CDK14: variants seen among roughly 807,000 people sequenced by gnomAD.
The protein encoded by CDK14 is cyclin-dependent kinase 14.
In CDK14, 34 loss-of-function variants were observed where a neutral mutation model predicts 60.7. The observed-to-expected ratio is 0.56, with a 90% CI of 0.43 to 0.75. The LOEUF (loss-of-function observed/expected upper bound fraction) is 0.75, where lower values mean the gene tolerates loss of function less well. Ranked by LOEUF, CDK14 falls within the 30% of genes least tolerant of loss-of-function variation. The pLI is 0.00. For synonymous variants in CDK14, 197 were observed against 203.7 expected, an observed-to-expected ratio of 0.97 and a Z score of 0.28; for missense variants, 482 against 564.1, an observed-to-expected ratio of 0.85 and a Z score of 1.47.
intron 5 of CDK14, among the ~76,000 whole-genome samples, chr7:90,851,910 A>G (rs1790657010): frequency 6.6e-6 from 1 of 151,918 alleles, no homozygotes; most frequent in Non-Finnish European, 1.5e-5. Flanking sequence ...TGTAACCTCA[A>G]ATTCTTGGGC....
intron 2 of CDK14, among the ~76,000 whole-genome samples, chr7:90,679,139 A>G (rs1430888174): frequency 6.6e-6 from 1 of 152,022 alleles, no homozygotes; most frequent in Non-Finnish European, 1.5e-5. Context: ...TTTTGTAGAG[A>G]TGAGGTCTTG....
intron 9 of CDK14, among the ~76,000 whole-genome samples, chr7:90,977,584 A>G (rs117060751): frequency 0.018 from 2,778 of 152,248 alleles, 37 homozygotes; most frequent in Non-Finnish European, 0.026. Flanking sequence ...TTAAAAGACC[A>G]TAAACATCAG....
intron 6 of CDK14, among the ~76,000 whole-genome samples, chr7:90,874,539 T>C (rs1358397744): frequency 1.1e-5 from 1 of 91,726 alleles, no homozygotes; most frequent in Admixed American, 1.5e-4. Flanking sequence ...TTTTTTTTTT[T>C]GAGACGGAGT....
chr7:91,043,580 A>G (rs1797148598), intron 10 of CDK14, among the ~76,000 whole-genome samples: 1 of 152,192 alleles, frequency 6.6e-6, no homozygotes. Flanking sequence ...AGACACTGTT[A>G]TCATAATCGT....
chr7:90,682,808 T>C (rs1199870788), intron 2 of CDK14, among the ~76,000 whole-genome samples: 2 of 152,228 alleles, frequency 1.3e-5, no homozygotes, highest in African/African-American at 2.4e-5. Flanking sequence ...CATTTTAAAA[T>C]ATAGGTCTTT....
chr7:91,048,665 C>G (rs1213821191), intron 11 of CDK14, among the ~76,000 whole-genome samples: 1 of 152,218 alleles, frequency 6.6e-6, no homozygotes, highest in African/African-American at 2.4e-5. Flanking sequence ...TGCTTCTCCT[C>G]TCTATGCTAT....
chr7:90,920,137 C>A (rs1793204690), intron 8 of CDK14, among the ~76,000 whole-genome samples: 1 of 152,106 alleles, frequency 6.6e-6, no homozygotes, highest in African/African-American at 2.4e-5. Flanking sequence ...GTTTGTGTGT[C>A]TGAGATGAAG....
intron 14 of CDK14, among the ~76,000 whole-genome samples, chr7:91,124,475 A>G (rs1466886221): frequency 1.3e-5 from 2 of 152,158 alleles, no homozygotes; most frequent in African/African-American, 2.4e-5. Flanking sequence ...ATTTTTTAAA[A>G]TAAAAATAAT....
intron 14 of CDK14, among the ~76,000 whole-genome samples, chr7:91,123,230 C>CATTATAT (rs919095625): frequency 2.0e-5 from 3 of 152,090 alleles, no homozygotes; most frequent in African/African-American, 7.2e-5. Flanking sequence ...ATATAAGAAA[C>CATTATAT]ACAAGTGTTA....
At chr7:91,157,359 C>T (rs1200916219) in intron 14 of CDK14, among the ~76,000 whole-genome samples, 9 of 152,156 alleles carry the variant, frequency 5.9e-5, no homozygotes, top group Admixed American at 4.6e-4. Context: ...GTTCAAATCC[C>T]AGCACATCAC....
intron 9 of CDK14, among the ~76,000 whole-genome samples, chr7:90,965,831 C>T (rs1794736630): frequency 6.6e-6 from 1 of 152,130 alleles, no homozygotes; most frequent in Admixed American, 6.5e-5. Flanking sequence ...ATTTTCAATA[C>T]ATTGTTTTAT....
intron 11 of CDK14, among the ~76,000 whole-genome samples, chr7:91,053,090 C>T (rs754732063): frequency 2.0e-5 from 3 of 152,028 alleles, no homozygotes; most frequent in Non-Finnish European, 4.4e-5. Context: ...TTTTTTGTTC[C>T]AGAGGGAGGA....
intron 2 of CDK14, among the ~76,000 whole-genome samples, chr7:90,654,764 CT>C (rs1324465864): frequency 6.6e-6 from 1 of 152,134 alleles, no homozygotes; most frequent in Non-Finnish European, 1.5e-5. Flanking sequence ...CCAGTTTCCC[CT>C]GTTATTAATA....
intron 8 of CDK14, among the ~76,000 whole-genome samples, chr7:90,944,230 C>A (rs188300230): frequency 6.6e-6 from 1 of 152,292 alleles, no homozygotes; most frequent in Non-Finnish European, 1.5e-5. Flanking sequence ...AAATGACTCA[C>A]TTTCAAGTAT....
At chr7:90,788,689 G>C (rs1033332583) in intron 4 of CDK14, among the ~76,000 whole-genome samples, 2 of 152,140 alleles carry the variant, frequency 1.3e-5, no homozygotes, top group African/African-American at 4.8e-5. Flanking sequence ...TTGTTCTTTT[G>C]GGTTTTATGT....
intron 4 of CDK14, among the ~76,000 whole-genome samples, chr7:90,768,381 G>A (rs946416386): frequency 6.6e-6 from 1 of 152,228 alleles, no homozygotes; most frequent in Non-Finnish European, 1.5e-5. Context: ...ATGTGTGTGA[G>A]TGTGGGTGTG....
intron 5 of CDK14, among the ~76,000 whole-genome samples, chr7:90,793,115 G>T (rs1240587782): frequency 1.0e-5 from 1 of 96,422 alleles, no homozygotes; most frequent in Non-Finnish European, 2.4e-5. Context: ...TAATCTTAGT[G>T]AGGTCAGAGA....
chr7:90,728,725 T>C (rs1802734532), intron 3 of CDK14, among the ~76,000 whole-genome samples: 1 of 152,114 alleles, frequency 6.6e-6, no homozygotes, highest in Non-Finnish European at 1.5e-5. Flanking sequence ...TCATGCCTCT[T>C]GGAGAGAAAC....
rs570133781 is a variant in CDK14, at chr7:90,806,966, C to T, written c.544+16314C>T. Among the ~76,000 whole-genome samples the T allele has an allele frequency of 6.6e-5, 10 of 152,266 alleles. No homozygotes were observed. In the South Asian group the frequency reaches 8.3e-4, roughly 13 times the overall value. On this transcript the variant is annotated intron_variant, in intron 5 of 14. Coordinates refer to ENST00000380050, the MANE Select transcript of CDK14 (RefSeq NM_001287135.2). Reference sequence around the variant, plus strand: ...GGCTTGAGTAGGTAAACAAAGTGGCCAGGAAGCTCAAACTGGGTGGAGCCC... The same window carrying T: ...GGCTTGAGTAGGTAAACAAAGTGGCTAGGAAGCTCAAACTGGGTGGAGCCC...
Sources: gnomAD v4.1 joint callset for allele counts (sites outside exome capture counted in the v4.1 genomes callset) on GRCh38, gnomAD v4.1.1 for gene constraint, MANE v1.5 for transcripts, NCBI Gene and HGNC (gene_info 2026-07-23, HGNC 2026-07-21) for gene names.